PCDHGA6: variants seen among roughly 807,000 people sequenced by gnomAD.
The protein encoded by PCDHGA6 is protocadherin gamma-A6.
Under a neutral mutation model 60.6 loss-of-function variants are expected in PCDHGA6, and 41 were observed. The ratio of observed to expected loss-of-function variants is 0.68; its 90% confidence interval spans 0.53 to 0.88. PCDHGA6 has a LOEUF of 0.88. Ranked by LOEUF, PCDHGA6 falls within the 40% of genes least tolerant of loss-of-function variation. The pLI is 0.00. For missense variants in PCDHGA6, 1,312 were observed against 1,203.0 expected (o/e 1.09, Z -1.34); for synonymous variants, 594 against 524.4 (o/e 1.13, Z -1.81).
At chr5:141,451,607 C>T (rs2154563647) in intron 1 of PCDHGA6, among the ~76,000 whole-genome samples, 1 of 152,288 alleles carries the variant, frequency 6.6e-6, no homozygotes, top group Non-Finnish European at 1.5e-5. Context: ...CAAGGCTAGG[C>T]ATGGTGGCTC....
rs1450125576 is a variant in PCDHGA6, at chr5:141,376,416, C to T, written c.2333C>T (p.Thr778Met). The T allele has an allele frequency of 6.2e-7, 1 of 1,614,216 alleles. No individual in the cohort carries two copies. The highest frequency in any genetic ancestry group is 8.5e-7 in the Non-Finnish European group (1 of 1,180,042). ...TTCCCCCAGCCCAACTATGCCGACA[C>T]GCTTATCAACCAGGAGAGCTATGAG... ...LIFPQPNYAD[T>M]LINQESYEKS... Residue 778 changes from threonine to methionine, a missense_variant, in exon 1 of 4, where the codon ACG (threonine) becomes ATG (methionine). By Grantham distance (81) the Thr-to-Met change is moderately conservative (BLOSUM62 -1). Transcript: ENST00000517434.
In PCDHGA6 at chr5:141,375,718, C is replaced by A. The variant is rs888006407; in HGVS notation, c.1635C>A (p.Asn545Lys). 9 of 1,614,152 alleles carry A rather than the reference C, an allele frequency of 5.6e-6. No homozygotes were observed. Among genetic ancestry groups the A allele is most frequent in the African/African-American group, 1.3e-5 (1 of 74,952 alleles). ...GCGGGGACCCGCCTCTTAGCAGCAA[C>A]GTGTCACTGAGCCTGTTTGTGCTGG... ...SDSGDPPLSS[N>K]VSLSLFVLDQ... Residue 545 changes from asparagine to lysine, a missense_variant, in exon 1 of 4, where the codon AAC becomes AAA. Asn to Lys is a moderately conservative substitution (Grantham distance 94). Transcript: ENST00000517434.
At chr5:141,411,309 C>A (rs2095479833) in intron 1 of PCDHGA6, 1 of 152,130 alleles carries the variant, frequency 6.6e-6, no homozygotes, top group African/African-American at 2.4e-5. Context: ...GTGGCTCACA[C>A]CTATAATCAC....
chr5:141,470,023 G>A (rs1258101057), intron 1 of PCDHGA6, among the ~76,000 whole-genome samples: 1 of 152,110 alleles, frequency 6.6e-6, no homozygotes, highest in Admixed American at 6.6e-5. Context: ...CAGCTACTCG[G>A]GATGCTGAGG....
At chr5:141,447,011 C>T (rs1213312322) in intron 1 of PCDHGA6, among the ~76,000 whole-genome samples, 1 of 143,918 alleles carries the variant, frequency 6.9e-6, no homozygotes. Flanking sequence ...TCCTAGTGTT[C>T]AGTTTTGTTT....
chr5:141,509,477 G>A (rs753058277), intron 3 of PCDHGA6, among the ~76,000 whole-genome samples: 7 of 152,166 alleles, frequency 4.6e-5, no homozygotes, highest in African/African-American at 7.2e-5. Context: ...CAGGTGAGGG[G>A]TAGAGGTGAT....
In PCDHGA6 at chr5:141,476,836, T is replaced by C. The variant is rs772607917; in HGVS notation, c.2425-17971T>C. On this transcript the variant is annotated intron_variant, in intron 1 of 3. Coordinates refer to ENST00000517434, the MANE Select transcript of PCDHGA6 (RefSeq NM_018919.3). The surrounding 1 kb of genome is among the most constrained non-coding windows in gnomAD (Gnocchi z 7.6). ...TCAAGGTGCTGGACGCGAATGACAATGCGCCTGTCTTCAACCAGTCCTTGT... is the reference window on the plus strand; with the variant it reads ...TCAAGGTGCTGGACGCGAATGACAACGCGCCTGTCTTCAACCAGTCCTTGT... 1.9e-6 allele frequency: 3 copies of C among 1,613,652 alleles called. 1 individual carries two copies. The highest frequency in any genetic ancestry group is 2.2e-5 in the East Asian group (1 of 44,852).
intron 1 of PCDHGA6, among the ~76,000 whole-genome samples, chr5:141,406,174 G>A (rs990967391): frequency 2.6e-5 from 4 of 151,264 alleles, no homozygotes; most frequent in African/African-American, 9.7e-5. Flanking sequence ...CTGGGCTTAT[G>A]CAATCCTCCC....
chr5:141,408,937 C>T (rs2095198483), intron 1 of PCDHGA6: 5 of 1,613,344 alleles, frequency 3.1e-6, no homozygotes, highest in African/African-American at 1.3e-5. Flanking sequence ...TCAGCAGAGA[C>T]GAATATAGAA....
At chr5:141,509,968 C>A (rs1450809995) in intron 3 of PCDHGA6, among the ~76,000 whole-genome samples, 1 of 152,166 alleles carries the variant, frequency 6.6e-6, no homozygotes, top group Non-Finnish European at 1.5e-5. Context: ...TGGCCTTGGT[C>A]CTTCTAACAC....
chr5:141,407,808 C>A (rs1182707356), intron 1 of PCDHGA6, among the ~76,000 whole-genome samples: 1 of 152,136 alleles, frequency 6.6e-6, no homozygotes, highest in Non-Finnish European at 1.5e-5. Flanking sequence ...ATAGAAATAT[C>A]TACTATAATA....
At position 141,460,338 on chromosome 5, in the gene PCDHGA6, T is replaced by C. The variant is rs1180912204; in HGVS notation, c.2425-34469T>C. Among the ~76,000 whole-genome samples, 4 of 152,222 alleles carry C rather than the reference T, an allele frequency of 2.6e-5. No homozygotes were observed. The East Asian group carries it at 7.7e-4, about 29-fold the overall frequency. On this transcript the variant is annotated intron_variant, in intron 1 of 3. Transcript: ENST00000517434. ...GCCTACTGAAAACTTATGATGATTT[T>C]CTCCTATATTTTCTTTTAGAAGTTT...
Position 141,387,642 on chromosome 5 carries a change from C to G in PCDHGA6, c.2424+11135C>G, listed in dbSNP as rs554256672. The G allele has an allele frequency of 4.8e-6, 3 of 622,368 alleles. No homozygotes were observed. In the Admixed American group the frequency reaches 1.0e-4, roughly 21 times the overall value. The allele number at this position is 622,368 out of a possible 1,614,324, so 38.6% of individuals were successfully genotyped here. A position where few individuals can be genotyped will look rare whatever the true frequency, so the allele number is the denominator to read the frequency against. On this transcript the variant is annotated intron_variant, in intron 1 of 3. Transcript: ENST00000517434. Reference sequence around the variant, plus strand: ...TGCTGACTCTGGGCGCCGCTGTTGGCCAAAGTGGAGAGCTTGGCGCTCCAG... The same window carrying G: ...TGCTGACTCTGGGCGCCGCTGTTGGGCAAAGTGGAGAGCTTGGCGCTCCAG...
chr5:141,418,781 G>C, intron 1 of PCDHGA6: 1 of 1,613,716 alleles, frequency 6.2e-7, no homozygotes, highest in African/African-American at 1.3e-5. Context: ...GCAGCCTTTG[G>C]ATTTTGAAGA....
intron 2 of PCDHGA6, among the ~76,000 whole-genome samples, chr5:141,500,046 T>C (rs959260262): frequency 1.3e-5 from 2 of 152,098 alleles, no homozygotes; most frequent in African/African-American, 4.8e-5. Context: ...TTAAGTATCT[T>C]AATGCTCTTT....
intron 1 of PCDHGA6, among the ~76,000 whole-genome samples, chr5:141,445,961 G>T (rs944876169): frequency 1.3e-5 from 2 of 152,158 alleles, no homozygotes; most frequent in Non-Finnish European, 2.9e-5. Context: ...GCTATATGGA[G>T]AATTGATTTA....
chr5:141,427,467 T>TC, intron 1 of PCDHGA6: 1 of 508,052 alleles, frequency 2.0e-6, no homozygotes. Flanking sequence ...AATCGAATCT[T>TC]CCGCCAATAA....
chr5:141,390,187 G>T, intron 1 of PCDHGA6: 1 of 1,614,040 alleles, frequency 6.2e-7, no homozygotes, highest in Non-Finnish European at 8.5e-7. Flanking sequence ...CTAAAATGTA[G>T]TGAGCAGTTG....
chr5:141,478,319 T>A, intron 1 of PCDHGA6: 4 of 1,614,052 alleles, frequency 2.5e-6, no homozygotes, highest in Non-Finnish European at 3.4e-6. Flanking sequence ...GAGCTCACTG[T>A]ACCGAACACC....
Sources: gnomAD v4.1 joint callset for allele counts (sites outside exome capture counted in the v4.1 genomes callset) on GRCh38, gnomAD v4.1.1 for gene constraint, Gnocchi (gnomAD v3.1) non-coding constraint, MANE v1.5 for transcripts, NCBI Gene and HGNC (gene_info 2026-07-23, HGNC 2026-07-21) for gene names.